Variants in VPS13B observed in about 807,000 individuals in gnomAD.
VPS13B encodes vacuolar protein sorting 13 homolog B.
In VPS13B, 285 loss-of-function variants were observed where a neutral mutation model predicts 426.4. The ratio of observed to expected loss-of-function variants is 0.67; its 90% CI spans 0.61 to 0.74. VPS13B has a LOEUF of 0.74. Ranked by LOEUF, VPS13B falls within the 30% of genes least tolerant of loss-of-function variation. VPS13B has a pLI of 0.00. For synonymous variants in VPS13B, 1,676 were observed against 1,676.4 expected (o/e 1.00, Z 0.01); for missense variants, 4,537 against 4,782.6 (o/e 0.95, Z 1.51).
intron 2 of VPS13B, among the ~76,000 whole-genome samples, chr8:99,022,322 TAA>T (rs1369449304): frequency 6.6e-6 from 1 of 152,030 alleles, no homozygotes; most frequent in Non-Finnish European, 1.5e-5. Context: ...GTCTTTTCAT[TAA>T]GTTAAAAAAA....
At chr8:99,797,725 T>C (rs1217125799) in intron 43 of VPS13B, among the ~76,000 whole-genome samples, 1 of 152,186 alleles carries the variant, frequency 6.6e-6, no homozygotes. Flanking sequence ...ATACTTCAAA[T>C]TGGCCACAAC....
At position 99,394,350 on chromosome 8, in the gene VPS13B, T is replaced by C. The variant is rs572464782; in HGVS notation, c.3082+2646T>C. 1.3e-3 allele frequency among the ~76,000 whole-genome samples: 194 copies of C among 152,312 alleles called. 1 individual carries two copies. Among genetic ancestry groups the C allele is most frequent in the Admixed American group, 6.8e-3 (104 of 15,292 alleles). On this transcript the variant is annotated intron_variant, in intron 21 of 61. Coordinates refer to ENST00000357162, the MANE Select transcript of VPS13B (RefSeq NM_152564.5). The stretch of plus-strand genomic sequence containing the variant: ...GCTGATACTGCACTGGGTTTGATTT[T>C]GCTTTTTAATTATTCAGTTAGAAGC...
intron 30 of VPS13B, among the ~76,000 whole-genome samples, chr8:99,548,055 G>A (rs1588484492): frequency 1.3e-5 from 2 of 152,136 alleles, no homozygotes; most frequent in African/African-American, 4.8e-5. Flanking sequence ...TGTTTACATT[G>A]TATTTTTTAA....
chr8:99,270,809 A>G (rs182639049), intron 17 of VPS13B, among the ~76,000 whole-genome samples: 71 of 151,774 alleles, frequency 4.7e-4, no homozygotes, highest in African/African-American at 1.6e-3. Context: ...AGGGAAGGCT[A>G]TTATTAAGTT....
intron 6 of VPS13B, among the ~76,000 whole-genome samples, chr8:99,112,750 C>A (rs976578096): frequency 6.6e-6 from 1 of 152,036 alleles, no homozygotes; most frequent in African/African-American, 2.4e-5. Flanking sequence ...ATAAAATACT[C>A]TTTTTGATCA....
intron 30 of VPS13B, among the ~76,000 whole-genome samples, chr8:99,539,341 GTATGAT>G (rs1823430012): frequency 6.6e-6 from 1 of 152,114 alleles, no homozygotes. Context: ...TAAGAATGAT[GTATGAT>G]TATAATTTTT....
chr8:99,696,204 C>G (rs1190913886), intron 35 of VPS13B: 1 of 178,830 alleles, frequency 5.6e-6, no homozygotes, highest in East Asian at 1.7e-4. Context: ...CGCCGTGTCT[C>G]TGATGACTTG....
At chr8:99,141,756 A>G (rs2132576642) in intron 12 of VPS13B, among the ~76,000 whole-genome samples, 1 of 152,054 alleles carries the variant, frequency 6.6e-6, no homozygotes, top group East Asian at 1.9e-4. Flanking sequence ...AAATCTAATT[A>G]ATTTTTGGCC....
chr8:99,647,581 A>T (rs1829637528), intron 34 of VPS13B, among the ~76,000 whole-genome samples: 1 of 152,148 alleles, frequency 6.6e-6, no homozygotes, highest in Admixed American at 6.5e-5. Context: ...TGTAAAAAAA[A>T]AAAAAAAAAG....
At chr8:99,768,649 T>A (rs1811344157) in intron 40 of VPS13B, among the ~76,000 whole-genome samples, 1 of 152,238 alleles carries the variant, frequency 6.6e-6, no homozygotes, top group Non-Finnish European at 1.5e-5. Flanking sequence ...TTTCATATAT[T>A]CTATTTCTAG....
At chr8:99,600,211 T>C (rs1827217262) in intron 33 of VPS13B, among the ~76,000 whole-genome samples, 1 of 152,136 alleles carries the variant, frequency 6.6e-6, no homozygotes, top group Non-Finnish European at 1.5e-5. Flanking sequence ...ACTCCTTTAA[T>C]CTTCATAATC....
intron 31 of VPS13B, among the ~76,000 whole-genome samples, chr8:99,568,957 G>T (rs565314039): frequency 1.3e-5 from 2 of 151,390 alleles, no homozygotes; most frequent in Non-Finnish European, 3.0e-5. Flanking sequence ...GGCTACAGGC[G>T]CCCGCCACCA....
intron 3 of VPS13B, among the ~76,000 whole-genome samples, chr8:99,039,138 G>A (rs1240175242): frequency 6.6e-6 from 1 of 152,144 alleles, no homozygotes; most frequent in African/African-American, 2.4e-5. Context: ...CATCTACAAT[G>A]AAAGTGCAGC....
At chr8:99,638,713 A>C (rs1829168613) in intron 33 of VPS13B, among the ~76,000 whole-genome samples, 1 of 152,188 alleles carries the variant, frequency 6.6e-6, no homozygotes, top group Admixed American at 6.6e-5. Flanking sequence ...TGATCAGCCC[A>C]CAAGGTAGAG....
intron 14 of VPS13B, among the ~76,000 whole-genome samples, chr8:99,149,260 G>C (rs1418429863): frequency 1.3e-5 from 2 of 152,166 alleles, no homozygotes; most frequent in Non-Finnish European, 1.5e-5. Context: ...ATTTGTTTAT[G>C]GTCCATATAC....
chr8:99,557,954 C>G lies in VPS13B; in HGVS notation c.4949+1301C>G, dbSNP rs80037023. On this transcript the variant is annotated intron_variant, in intron 31 of 61. Coordinates refer to ENST00000357162, the MANE Select transcript of VPS13B (RefSeq NM_152564.5). ...TGCTTTTCTCTTTATAAAATAGAAT[C>G]AGTAATACCTGTTGCTTGTAACATA... Among the ~76,000 whole-genome samples the G allele has an allele frequency of 3.7e-3, 557 of 152,230 alleles. 4 individuals carry two copies. The highest frequency in any genetic ancestry group is 0.013 in the African/African-American group (524 of 41,546).
intron 24 of VPS13B, among the ~76,000 whole-genome samples, chr8:99,478,458 T>G (rs56810475): frequency 0.16 from 21,196 of 133,044 alleles, 1,781 homozygotes; most frequent in East Asian, 0.31. Context: ...TTTTTTTTTT[T>G]TTTTTTTGTT....
intron 4 of VPS13B, among the ~76,000 whole-genome samples, chr8:99,099,987 G>T (rs187636510): frequency 1.3e-5 from 2 of 152,178 alleles, no homozygotes; most frequent in East Asian, 3.9e-4. Context: ...GAGTAGACCC[G>T]GATGATGAAC....
chr8:99,827,592 C>T (rs573904340), intron 51 of VPS13B, among the ~76,000 whole-genome samples: 9 of 143,656 alleles, frequency 6.3e-5, no homozygotes, highest in Non-Finnish European at 1.4e-4. Context: ...TTCAGTTCTA[C>T]TCTGATCTTA....
Sources: gnomAD v4.1 joint callset for allele counts (sites outside exome capture counted in the v4.1 genomes callset) on GRCh38, gnomAD v4.1.1 for gene constraint, MANE v1.5 for transcripts, NCBI Gene and HGNC (gene_info 2026-07-23, HGNC 2026-07-21) for gene names.